CNTNAP2: variants seen among roughly 807,000 people sequenced by gnomAD.
The protein encoded by CNTNAP2 is contactin associated protein 2, also known as contactin-associated protein-like 2.
Under a neutral mutation model 155.2 loss-of-function variants are expected in CNTNAP2, and 98 were observed. The ratio of observed to expected loss-of-function variants is 0.63; its 90% CI spans 0.54 to 0.75. The LOEUF (loss-of-function observed/expected upper bound fraction) is 0.75, where lower values mean the gene tolerates loss of function less well. Among genes scored for constraint, CNTNAP2 ranks in the 30% least tolerant of loss-of-function variants. CNTNAP2 has a pLI of 0.00. For synonymous variants in CNTNAP2, 651 were observed against 631.2 expected, an observed-to-expected ratio of 1.03 and a Z score of -0.47; for missense variants, 1,727 against 1,688.1, an observed-to-expected ratio of 1.02 and a Z score of -0.40.
Position 148,122,867 on chromosome 7 carries a change from A to AAAAAAAAAAAG in CNTNAP2, c.2554+4587_2554+4588insAAGAAAAAAAA, listed in dbSNP as rs543029148. On this transcript the variant is annotated intron_variant, in intron 16 of 23. Transcript: ENST00000361727. ...CAAGAATACATCTCAAAAAAAAAAG[A>AAAAAAAAAAAG]AAAAAAAAGAAAGATCCTTAACAGA... is the stretch of plus-strand genomic sequence containing the variant. Among the ~76,000 whole-genome samples the AAAAAAAAAAAG allele has an allele frequency of 5.7e-3, 859 of 150,574 alleles. 8 individuals are homozygous for AAAAAAAAAAAG. Among genetic ancestry groups the AAAAAAAAAAAG allele is most frequent in the African/African-American group, 0.02 (815 of 40,366 alleles).
intron 1 of CNTNAP2, among the ~76,000 whole-genome samples, chr7:146,663,277 C>CAAAAAAA (rs543257224): frequency 1.5e-4 from 5 of 33,192 alleles, no homozygotes; most frequent in Admixed American, 3.6e-4. Context: ...AACTCCATCT[C>CAAAAAAA]AAAAAAAAAA....
chr7:148,367,851 C>A (rs1798814228), intron 21 of CNTNAP2, among the ~76,000 whole-genome samples: 1 of 152,028 alleles, frequency 6.6e-6, no homozygotes, highest in South Asian at 2.1e-4. Context: ...GCCACAGCCA[C>A]TGTAATTTGC....
intron 15 of CNTNAP2, among the ~76,000 whole-genome samples, chr7:148,048,782 A>T (rs1461839276): frequency 3.9e-5 from 6 of 152,228 alleles, no homozygotes; most frequent in African/African-American, 1.4e-4. Flanking sequence ...TTTTTGCTCA[A>T]GCCTGGCTTT....
intron 1 of CNTNAP2, among the ~76,000 whole-genome samples, chr7:146,131,168 A>T (rs937734001): frequency 6.6e-6 from 1 of 152,220 alleles, no homozygotes; most frequent in African/African-American, 2.4e-5. Context: ...TTTAATGTGA[A>T]TAAAGGTAAT....
chr7:147,000,125 T>C (rs1584775338), intron 3 of CNTNAP2, among the ~76,000 whole-genome samples: 1 of 151,976 alleles, frequency 6.6e-6, no homozygotes, highest in African/African-American at 2.4e-5. Context: ...TAGAGAATCC[T>C]CTTCCACTTA....
intron 3 of CNTNAP2, among the ~76,000 whole-genome samples, chr7:146,866,145 G>A (rs775995185): frequency 5.3e-4 from 80 of 152,044 alleles, no homozygotes; most frequent in Non-Finnish European, 9.6e-4. Flanking sequence ...TTTCTCATCT[G>A]CCTGTTTTAC....
intron 1 of CNTNAP2, among the ~76,000 whole-genome samples, chr7:146,586,619 A>C (rs1442338902): frequency 6.6e-6 from 1 of 152,170 alleles, no homozygotes; most frequent in Admixed American, 6.5e-5. Context: ...TTAATCACAC[A>C]CACATAAACA....
intron 8 of CNTNAP2, among the ~76,000 whole-genome samples, chr7:147,209,817 CTTT>C (rs1261278608): frequency 2.0e-5 from 3 of 151,908 alleles, no homozygotes; most frequent in Non-Finnish European, 4.4e-5. Context: ...TTATTATAAA[CTTT>C]TTCTGCATCT....
intron 1 of CNTNAP2, among the ~76,000 whole-genome samples, chr7:146,610,463 A>C (rs752466150): frequency 3.3e-5 from 5 of 152,172 alleles, no homozygotes; most frequent in Non-Finnish European, 7.3e-5. Context: ...AATGCTAAAA[A>C]TGTGGCAAGA....
At chr7:146,898,648 T>C (rs1157304942) in intron 3 of CNTNAP2, among the ~76,000 whole-genome samples, 1 of 152,126 alleles carries the variant, frequency 6.6e-6, no homozygotes, top group African/African-American at 2.4e-5. Flanking sequence ...TATAAGACTA[T>C]GTTAACTTTT....
chr7:147,838,479 T>G (rs1397919954), intron 13 of CNTNAP2, among the ~76,000 whole-genome samples: 1 of 152,192 alleles, frequency 6.6e-6, no homozygotes, highest in Non-Finnish European at 1.5e-5. Flanking sequence ...CTGAATGCCT[T>G]TAAGAGCACC....
chr7:146,896,245 A>G (rs983843885), intron 3 of CNTNAP2, among the ~76,000 whole-genome samples: 1 of 152,050 alleles, frequency 6.6e-6, no homozygotes, highest in Non-Finnish European at 1.5e-5. Flanking sequence ...AGGCTCATTT[A>G]TTATCACCCC....
At chr7:148,404,561 C>T (rs1322271136) in intron 22 of CNTNAP2, among the ~76,000 whole-genome samples, 1 of 152,282 alleles carries the variant, frequency 6.6e-6, no homozygotes, top group East Asian at 1.9e-4. Context: ...TGGGTGCCAC[C>T]GCTGGGGTGA....
chr7:148,380,411 T>G (rs1799028699), intron 21 of CNTNAP2, among the ~76,000 whole-genome samples: 1 of 152,202 alleles, frequency 6.6e-6, no homozygotes, highest in Non-Finnish European at 1.5e-5. Context: ...TAATGAAGAT[T>G]TGACATCAGT....
chr7:148,247,651 A>ATTTTTTTTT (rs1299873575), intron 20 of CNTNAP2, among the ~76,000 whole-genome samples: 1 of 121,560 alleles, frequency 8.2e-6, no homozygotes. Context: ...TTATTTATTT[A>ATTTTTTTTT]TTTATTTATT....
intron 14 of CNTNAP2, among the ~76,000 whole-genome samples, chr7:147,932,886 T>C (rs920391975): frequency 2.0e-5 from 3 of 152,106 alleles, no homozygotes; most frequent in African/African-American, 7.2e-5. Flanking sequence ...ACAAACTGAT[T>C]TTTAAATGAG....
intron 22 of CNTNAP2, among the ~76,000 whole-genome samples, chr7:148,403,689 G>T (rs999971859): frequency 9.9e-5 from 15 of 152,174 alleles, no homozygotes; most frequent in Admixed American, 2.0e-4. Context: ...TTCTCTGTGC[G>T]CATTTCCAAG....
At position 146,811,363 on chromosome 7, in the gene CNTNAP2, G is replaced by A. The variant is rs10257225; in HGVS notation, c.209-28348G>A. ...CCTATTTCTTTATGATTCAATCTTGGTATATTGTTCATGTCTAGGAATTTA... is the reference window on the plus strand; with the variant it reads ...CCTATTTCTTTATGATTCAATCTTGATATATTGTTCATGTCTAGGAATTTA... On this transcript the variant is annotated intron_variant, in intron 2 of 23. Transcript: ENST00000361727. 7.0e-3 allele frequency among the ~76,000 whole-genome samples: 1,062 copies of A among 151,888 alleles called. 11 individuals are homozygous for A. The highest frequency in any genetic ancestry group is 0.024 in the African/African-American group (1,011 of 41,414).
intron 3 of CNTNAP2, among the ~76,000 whole-genome samples, chr7:146,861,963 TAA>T (rs2129205321): frequency 6.6e-6 from 1 of 152,280 alleles, no homozygotes; most frequent in African/African-American, 2.4e-5. Flanking sequence ...GGCAATTGTA[TAA>T]CCACTGTAAT....
Sources: gnomAD v4.1 joint callset for allele counts (sites outside exome capture counted in the v4.1 genomes callset) on GRCh38, gnomAD v4.1.1 for gene constraint, MANE v1.5 for transcripts, NCBI Gene and HGNC (gene_info 2026-07-23, HGNC 2026-07-21) for gene names.